TSPAN7: variants seen among roughly 807,000 people sequenced by gnomAD.
TSPAN7 encodes tetraspanin-7.
A neutral mutation model predicts 17.6 loss-of-function variants in TSPAN7; 1 was observed. The observed-to-expected ratio is 0.06, with a 90% CI of 0.02 to 0.27. TSPAN7 has a LOEUF of 0.27. Among genes scored for constraint, TSPAN7 ranks in the 10% least tolerant of loss-of-function variants. The pLI is 1.00. For missense variants in TSPAN7, 112 were observed against 201.7 expected (o/e 0.56, Z 2.69); for synonymous variants, 78 against 79.0 (o/e 0.99, Z 0.07).
At chrX:38,680,597 C>T (rs1274633217) in intron 5 of TSPAN7, among the ~76,000 whole-genome samples, 4 of 99,681 alleles carry the variant, frequency 4.0e-5, no homozygotes, top group Non-Finnish European at 8.0e-5. Context: ...AAAAGATGAC[C>T]CTAGAACATA....
intron 1 of TSPAN7, among the ~76,000 whole-genome samples, chrX:38,648,555 T>G (rs1186498486): frequency 3.6e-5 from 4 of 112,204 alleles, no homozygotes; most frequent in Non-Finnish European, 7.5e-5. Context: ...GCTCAAGTGA[T>G]TCTCCTGCCT....
At chrX:38,671,566 G>A (rs2069820986) in intron 3 of TSPAN7, 116 bp downstream of exon 3, 2 of 731,868 alleles carry the variant, frequency 2.7e-6, no homozygotes, top group South Asian at 2.2e-5. Flanking sequence ...CAGTGGTGTT[G>A]TTGTTTTCCA....
At chrX:38,686,663 C>T (rs1006137952) in intron 6 of TSPAN7, among the ~76,000 whole-genome samples, 8 of 112,186 alleles carry the variant, frequency 7.1e-5, no homozygotes, top group Non-Finnish European at 1.5e-4. Flanking sequence ...CAAGAGAAAG[C>T]AGCCTGTAGA....
Position 38,631,047 on chromosome X carries a change from G to A in TSPAN7, c.82-35074G>A, listed in dbSNP as rs1359335294. ...CTAGAATTCTTCATTATTCATAGATGTAATAATTTAAAAAATACAAGTGGC... is the reference window on the plus strand; with the variant it reads ...CTAGAATTCTTCATTATTCATAGATATAATAATTTAAAAAATACAAGTGGC... On this transcript the variant is annotated intron_variant, in intron 1 of 7. Coordinates refer to ENST00000378482, the MANE Select transcript of TSPAN7 (RefSeq NM_004615.4). 3.6e-5 allele frequency among the ~76,000 whole-genome samples: 4 copies of A among 112,424 alleles called. No individual in the cohort carries two copies. The South Asian group carries it at 1.5e-3, about 41-fold the overall frequency.
chrX:38,599,462 G>C (rs745369889), intron 1 of TSPAN7, among the ~76,000 whole-genome samples: 1 of 111,413 alleles, frequency 9.0e-6, no homozygotes, highest in East Asian at 2.8e-4. Context: ...TGTAAGAATT[G>C]TACATATTTT....
At chrX:38,637,065 C>T (rs192053707) in intron 1 of TSPAN7, among the ~76,000 whole-genome samples, 1 of 111,473 alleles carries the variant, frequency 9.0e-6, no homozygotes, top group Non-Finnish European at 1.9e-5. Flanking sequence ...AAGAAATAAC[C>T]CCTTCATAAT....
At chrX:38,574,724 G>A in intron 1 of TSPAN7, among the ~76,000 whole-genome samples, 1 of 111,125 alleles carries the variant, frequency 9.0e-6, no homozygotes, top group Non-Finnish European at 1.9e-5. Flanking sequence ...AAACTGTATT[G>A]TTTACGTAGA....
chrX:38,669,861 C>G (rs1205683884), intron 2 of TSPAN7, among the ~76,000 whole-genome samples: 1 of 111,878 alleles, frequency 8.9e-6, no homozygotes, highest in Non-Finnish European at 1.9e-5. Context: ...TGCCTGCTAA[C>G]AGTTATTTTC....
intron 3 of TSPAN7, among the ~76,000 whole-genome samples, chrX:38,672,463 A>G: frequency 9.0e-6 from 1 of 110,538 alleles, no homozygotes; most frequent in Non-Finnish European, 1.9e-5. Flanking sequence ...TTTACCAAAG[A>G]CAGTATCCCA....
At chrX:38,570,736 C>T (rs2069165108) in intron 1 of TSPAN7, 1 of 111,929 alleles carries the variant, frequency 8.9e-6, no homozygotes, top group African/African-American at 3.2e-5. Context: ...GTTACCTCCT[C>T]ATTGCAAGCA....
At chrX:38,665,954 A>G in intron 1 of TSPAN7, 167 bp from the exon 2 acceptor site, 1 of 481,642 alleles carries the variant, frequency 2.1e-6, no homozygotes. Flanking sequence ...AAGTGTCTTT[A>G]TGATGATTTT....
chrX:38,592,723 C>G, intron 1 of TSPAN7, among the ~76,000 whole-genome samples: 1 of 109,945 alleles, frequency 9.1e-6, no homozygotes, highest in Non-Finnish European at 1.9e-5. Context: ...ATTTTTATTT[C>G]TTTTTAATTT....
At chrX:38,604,028 C>T (rs1402826325) in intron 1 of TSPAN7, among the ~76,000 whole-genome samples, 1 of 62,970 alleles carries the variant, frequency 1.6e-5, no homozygotes, top group Non-Finnish European at 2.8e-5. Context: ...CCCCCTCCCC[C>T]CACCCCACAA....
At chrX:38,649,173 C>T (rs2069662567) in intron 1 of TSPAN7, among the ~76,000 whole-genome samples, 1 of 111,257 alleles carries the variant, frequency 9.0e-6, no homozygotes, top group African/African-American at 3.3e-5. Context: ...TCTTCGTATG[C>T]TGTATTGTCC....
chrX:38,581,532 C>G (rs919347127), intron 1 of TSPAN7, among the ~76,000 whole-genome samples: 1 of 111,619 alleles, frequency 9.0e-6, no homozygotes, highest in Non-Finnish European at 1.9e-5. Flanking sequence ...CACTGGGTCC[C>G]TCCCACGACA....
intron 1 of TSPAN7, among the ~76,000 whole-genome samples, chrX:38,568,717 C>G (rs1176387765): frequency 9.0e-6 from 1 of 110,866 alleles, no homozygotes; most frequent in Non-Finnish European, 1.9e-5. Context: ...GGGAAATTTT[C>G]TTTTGTTTTT....
At chrX:38,563,136 G>A (rs1158599680) in intron 1 of TSPAN7, 7 of 963,811 alleles carry the variant, frequency 7.3e-6, no homozygotes, top group Middle Eastern at 2.9e-4. Context: ...TCAAGTCAGG[G>A]AAGGTATGGA....
intron 1 of TSPAN7, among the ~76,000 whole-genome samples, chrX:38,589,444 CATTAT>C (rs933226441): frequency 8.9e-6 from 1 of 111,766 alleles, no homozygotes; most frequent in Non-Finnish European, 1.9e-5. Context: ...CTTCGCATTT[CATTAT>C]GTGTTTAAAC....
chrX:38,622,180 T>C (rs12009689), intron 1 of TSPAN7, among the ~76,000 whole-genome samples: 4,240 of 112,295 alleles, frequency 0.038, 223 homozygotes, highest in African/African-American at 0.13. Context: ...AAATGTTTCA[T>C]GCTTAGTTCT....
Sources: allele counts gnomAD v4.1 joint callset (sites outside exome capture counted in the v4.1 genomes callset), GRCh38; gene constraint gnomAD v4.1.1; transcripts MANE v1.5; gene names NCBI Gene and HGNC (gene_info 2026-07-23, HGNC 2026-07-21).